The following GSTA4 variants were observed in gnomAD, a reference collection of about 807,000 sequenced individuals.
GSTA4 encodes the protein glutathione S-transferase A4.
GSTA4 carries 15 observed loss-of-function variants against 24.4 expected under a neutral mutation model. The ratio of observed to expected loss-of-function variants is 0.61; its 90% CI spans 0.41 to 0.95. GSTA4 has a LOEUF of 0.95. Ranked by LOEUF, GSTA4 falls within the 40% of genes least tolerant of loss-of-function variation. The pLI, the probability that GSTA4 is intolerant of heterozygous loss-of-function variation, is 0.00. For missense variants in GSTA4, 244 were observed against 262.1 expected (o/e 0.93, Z 0.48); for synonymous variants, 92 against 94.2 (o/e 0.98, Z 0.13).
chr6:52,994,666 A>C (rs1000210850), intron 1 of GSTA4, among the ~76,000 whole-genome samples: 4 of 152,164 alleles, frequency 2.6e-5, no homozygotes, highest in African/African-American at 9.7e-5. Flanking sequence ...CAGCCACTGG[A>C]AGCTCTTCAA....
At chr6:52,983,163 T>C (rs1763486598) in intron 5 of GSTA4, among the ~76,000 whole-genome samples, 1 of 152,182 alleles carries the variant, frequency 6.6e-6, no homozygotes, top group Admixed American at 6.5e-5. Context: ...TATTTCCCAG[T>C]TCTGCTGCTA....
chr6:52,994,666 A>T (rs1000210850), intron 1 of GSTA4, among the ~76,000 whole-genome samples: 1 of 152,164 alleles, frequency 6.6e-6, no homozygotes, highest in Non-Finnish European at 1.5e-5. Context: ...CAGCCACTGG[A>T]AGCTCTTCAA....
intron 5 of GSTA4, among the ~76,000 whole-genome samples, chr6:52,984,215 A>T (rs1763506727): frequency 6.6e-6 from 1 of 152,234 alleles, no homozygotes; most frequent in Non-Finnish European, 1.5e-5. Flanking sequence ...AAGGAACAAT[A>T]AGGAACAAAG....
intron 6 of GSTA4, among the ~76,000 whole-genome samples, chr6:52,982,167 G>A (rs1003184721): frequency 1.3e-5 from 2 of 152,132 alleles, no homozygotes; most frequent in African/African-American, 4.8e-5. Flanking sequence ...GTCCCCTGAG[G>A]CAAACTCCCT....
At position 52,978,587 on chromosome 6, in the gene GSTA4, G is replaced by A. The variant is rs1763389312; in HGVS notation, c.552C>T (p.Tyr184=). Residue 184 remains tyrosine, a synonymous_variant, in exon 7 of 7, where the codon TAC becomes TAT. Transcript: ENST00000370963. ...ILSAFPFLQE[Y]TVKLSNIPTI... Reference sequence around the variant, plus strand: ...TAGGGATATTACTTAGTTTCACTGTGTATTCCTGAAAAAGGAAAACCAAAA... The same window carrying A: ...TAGGGATATTACTTAGTTTCACTGTATATTCCTGAAAAAGGAAAACCAAAA... 60 of 1,602,032 alleles carry A rather than the reference G, an allele frequency of 3.7e-5. No individual in the cohort carries two copies. The highest frequency in any genetic ancestry group is 5.0e-5 in the Non-Finnish European group (59 of 1,175,128).
intron 3 of GSTA4, among the ~76,000 whole-genome samples, chr6:52,986,032 G>A (rs893852374): frequency 2.6e-5 from 4 of 151,828 alleles, no homozygotes; most frequent in Non-Finnish European, 4.4e-5. Context: ...GGGCAACAGA[G>A]CAAGACTCTA....
At chr6:52,983,508 T>C (rs1763493078) in intron 5 of GSTA4, among the ~76,000 whole-genome samples, 1 of 152,196 alleles carries the variant, frequency 6.6e-6, no homozygotes, top group Non-Finnish European at 1.5e-5. Flanking sequence ...CCTGAATTTG[T>C]AGTCAGAGGC....
chr6:52,985,057 C>A (rs951741047), intron 4 of GSTA4, among the ~76,000 whole-genome samples: 8 of 152,148 alleles, frequency 5.3e-5, no homozygotes, highest in African/African-American at 1.7e-4. Context: ...GGTCATACAT[C>A]TAAGGGGTGC....
intron 2 of GSTA4, among the ~76,000 whole-genome samples, chr6:52,992,705 G>C (rs532072115): frequency 6.6e-6 from 1 of 152,282 alleles, no homozygotes; most frequent in East Asian, 1.9e-4. Context: ...AAACCGTCAA[G>C]ATGGTAAAAT....
At chr6:52,986,016 A>C (rs1350914499) in intron 3 of GSTA4, among the ~76,000 whole-genome samples, 1 of 152,122 alleles carries the variant, frequency 6.6e-6, no homozygotes, top group African/African-American at 2.4e-5. Context: ...GCGCCATTGC[A>C]CGCCTGGGCA....
Position 52,984,500 on chromosome 6 carries a change from C to G in GSTA4, c.378G>C (p.Gln126His). 1 of 1,613,962 alleles carries G rather than the reference C, an allele frequency of 6.2e-7. No homozygotes were observed. Among genetic ancestry groups the G allele is most frequent in the Non-Finnish European group, 8.5e-7 (1 of 1,179,888 alleles). The change falls in exon 5 of 7, where the codon CAG (glutamine) becomes CAC (histidine). Residue 126 changes from glutamine (Q) to histidine (H), a missense_variant. Transcript: ENST00000370963. ...DQQKEVVNMAQKAIIRYFPVF... is the reference protein window; with the variant it reads ...DQQKEVVNMAHKAIIRYFPVF... ...CAGGAAAGTATCTAATTATAGCCTT[C>G]TGGGCCATGTTAACCACTTCCTTTT...
intron 2 of GSTA4, among the ~76,000 whole-genome samples, chr6:52,989,759 A>G (rs1763630095): frequency 6.6e-6 from 1 of 152,260 alleles, no homozygotes; most frequent in African/African-American, 2.4e-5. Context: ...TTTGTCTCTC[A>G]GATAGATTCA....
chr6:52,985,357 G>T, intron 4 of GSTA4, 94 bp downstream of exon 4: 6 of 1,203,824 alleles, frequency 5.0e-6, no homozygotes, highest in South Asian at 4.6e-5. Context: ...AACTATGTAA[G>T]ACATAAAGTA....
rs1192173422 is a variant in GSTA4 at position 52,984,578 on chromosome 6, C to T, written c.300G>A (p.Leu100=). ...GCATGATAAGCAGTTCCAGCAGATC[C>T]AGTGTCCCCTCCACGTACATGTCAA... is the stretch of plus-strand genomic sequence containing the variant. ...TLIDMYVEGT[L]DLLELLIMHP... The change falls in exon 5 of 7, where the codon CTG becomes CTA. Residue 100 remains leucine, a synonymous_variant. Transcript: ENST00000370963. 2 of 1,613,430 alleles carry T rather than the reference C, an allele frequency of 1.2e-6. No homozygotes were observed. Among genetic ancestry groups the T allele is most frequent in the Admixed American group, 3.3e-5 (2 of 59,968 alleles).
chr6:52,994,051 T>C (rs1227162836), intron 2 of GSTA4, 106 bp downstream of exon 2: 2 of 803,538 alleles, frequency 2.5e-6, no homozygotes, highest in Admixed American at 1.8e-5. Context: ...TGCCTGTGAT[T>C]TTGGTGGACG....
intron 2 of GSTA4, among the ~76,000 whole-genome samples, chr6:52,988,624 GA>G (rs1175223217): frequency 6.6e-6 from 1 of 151,850 alleles, no homozygotes; most frequent in Non-Finnish European, 1.5e-5. Context: ...TCGAAGGCAT[GA>G]AAAAAAAGTC....
chr6:52,986,082 T>C (rs1763550848), intron 3 of GSTA4, among the ~76,000 whole-genome samples: 1 of 152,114 alleles, frequency 6.6e-6, no homozygotes, highest in East Asian at 1.9e-4. Context: ...AGCATTGTTA[T>C]AAACGTTCCC....
In GSTA4 at chr6:52,978,198, A is replaced by G. The variant is rs918083787; in HGVS notation, c.*272T>C. 8.2e-6 allele frequency: 3 copies of G among 364,344 alleles called. No homozygotes were observed. The highest frequency in any genetic ancestry group is 6.5e-5 in the African/African-American group (3 of 45,934). 22.6% of individuals were successfully genotyped at this position (364,344 alleles called of 1,614,324 possible). ...CTGCCCATTCTTATTATGAGGATGA[A>G]CTGGCTACAGGACATGAGTAGCCCA... On this transcript the variant is annotated 3_prime_UTR_variant, in exon 7 of 7. Transcript: ENST00000370963.
rs1364149935 is a variant in GSTA4 at position 52,984,339 on chromosome 6, T to C, written c.414+125A>G. The C allele has an allele frequency of 4.7e-6, 4 of 844,732 alleles. No individual in the cohort carries two copies. In the African/African-American group the frequency reaches 6.8e-5, roughly 14 times the overall value. The allele number at this position is 844,732 out of a possible 1,614,324, so 52.3% of individuals were successfully genotyped here. A position where few individuals can be genotyped will look rare whatever the true frequency, so the allele number is the denominator to read the frequency against. Reference sequence around the variant, plus strand: ...CTACTATTCGCTCTTAGGAGTCCATTAGCGCTTAGGTTAGTTCAACTGGGC... The same window carrying C: ...CTACTATTCGCTCTTAGGAGTCCATCAGCGCTTAGGTTAGTTCAACTGGGC... On this transcript the variant is annotated intron_variant, in intron 5 of 6. Coordinates refer to ENST00000370963, the MANE Select transcript of GSTA4 (RefSeq NM_001512.4).
Sources: allele counts gnomAD v4.1 joint callset (sites outside exome capture counted in the v4.1 genomes callset), GRCh38; gene constraint gnomAD v4.1.1; transcripts MANE v1.5; gene names NCBI Gene and HGNC (gene_info 2026-07-23, HGNC 2026-07-21).